ATXN7L1: variants seen among roughly 807,000 people sequenced by gnomAD.
The protein encoded by ATXN7L1 is ataxin 7 like 1, also known as ataxin-7-like protein 1.
A neutral mutation model predicts 70.8 loss-of-function variants in ATXN7L1; 15 were observed. That is an observed-to-expected ratio of 0.21 (90% CI 0.14 to 0.33). The LOEUF (loss-of-function observed/expected upper bound fraction) is 0.33, where lower values mean the gene tolerates loss of function less well. Ranked by LOEUF, ATXN7L1 falls within the 10% of genes least tolerant of loss-of-function variation. ATXN7L1 has a pLI of 1.00. For missense variants in ATXN7L1, 975 were observed against 1,097.1 expected, an observed-to-expected ratio of 0.89 and a Z score of 1.57; for synonymous variants, 440 against 445.1, an observed-to-expected ratio of 0.99 and a Z score of 0.14.
intron 3 of ATXN7L1, among the ~76,000 whole-genome samples, chr7:105,756,047 T>C (rs1799762399): frequency 6.6e-6 from 1 of 152,212 alleles, no homozygotes; most frequent in Non-Finnish European, 1.5e-5. Context: ...GCGTGTATCG[T>C]CAGAGGCTGC....
intron 2 of ATXN7L1, among the ~76,000 whole-genome samples, chr7:105,864,238 C>G (rs996603854): frequency 2.0e-5 from 3 of 151,930 alleles, no homozygotes; most frequent in Non-Finnish European, 2.9e-5. Flanking sequence ...GGAGGATCAC[C>G]TGGGCTCAGG....
intron 3 of ATXN7L1, among the ~76,000 whole-genome samples, chr7:105,733,588 ATCCATCCATCCAT>A (rs1303358898): frequency 3.9e-4 from 53 of 134,282 alleles, no homozygotes; most frequent in African/African-American, 6.1e-4. Context: ...CCACCCATCC[ATCCATCCATCCAT>A]CCACCCATCC....
intron 3 of ATXN7L1, among the ~76,000 whole-genome samples, chr7:105,773,920 T>C (rs1802368015): frequency 6.6e-6 from 1 of 152,176 alleles, no homozygotes; most frequent in Non-Finnish European, 1.5e-5. Context: ...TCAGCCTGCA[T>C]GTGGGGCACC....
chr7:105,670,833 G>A (rs186176092), intron 3 of ATXN7L1, among the ~76,000 whole-genome samples: 11 of 152,114 alleles, frequency 7.2e-5, no homozygotes, highest in East Asian at 1.9e-4. Context: ...GTAGCCGGGC[G>A]CGGTGGCTCA....
chr7:105,760,510 G>T, intron 3 of ATXN7L1: 1 of 985,822 alleles, frequency 1.0e-6, no homozygotes, highest in South Asian at 4.7e-5. Flanking sequence ...TTCTCAACTA[G>T]CCTCACTGTT....
chr7:105,660,454 G>A (rs1212190064), intron 4 of ATXN7L1, among the ~76,000 whole-genome samples: 2 of 106,226 alleles, frequency 1.9e-5, no homozygotes, highest in African/African-American at 8.8e-5. Flanking sequence ...AACTCTCTTA[G>A]ATAGAATTTT....
At chr7:105,670,782 T>C (rs1205867255) in intron 3 of ATXN7L1, among the ~76,000 whole-genome samples, 1 of 151,826 alleles carries the variant, frequency 6.6e-6, no homozygotes, top group Non-Finnish European at 1.5e-5. Flanking sequence ...GCCAACATGG[T>C]GAAACCCCAT....
intron 3 of ATXN7L1, among the ~76,000 whole-genome samples, chr7:105,757,438 T>G (rs1451612162): frequency 6.6e-6 from 1 of 152,094 alleles, no homozygotes; most frequent in Non-Finnish European, 1.5e-5. Context: ...TACAATGCTC[T>G]GGGGTATATG....
chr7:105,617,707 C>A (rs1416365032), intron 9 of ATXN7L1: 2 of 350,422 alleles, frequency 5.7e-6, no homozygotes, highest in South Asian at 2.2e-5. Context: ...CCAGGGAAGT[C>A]CCACACTAAA....
At chr7:105,845,787 A>G (rs1813940992) in intron 2 of ATXN7L1, among the ~76,000 whole-genome samples, 1 of 152,174 alleles carries the variant, frequency 6.6e-6, no homozygotes, top group Admixed American at 6.5e-5. Context: ...TTCCAAGACA[A>G]TTCAATGGAA....
intron 3 of ATXN7L1, among the ~76,000 whole-genome samples, chr7:105,733,665 T>TCCAC (rs1796953718): frequency 1.0e-4 from 1 of 9,618 alleles, no homozygotes; most frequent in Non-Finnish European, 3.3e-4. Context: ...CATCCATCCA[T>TCCAC]CCATCCATCC....
At chr7:105,852,907 G>A (rs1815090513) in intron 2 of ATXN7L1, among the ~76,000 whole-genome samples, 1 of 152,020 alleles carries the variant, frequency 6.6e-6, no homozygotes, top group Non-Finnish European at 1.5e-5. Flanking sequence ...CTACAACATC[G>A]ATTAACCTTG....
chr7:105,690,464 T>G lies in ATXN7L1; in HGVS notation c.356-25176A>C, dbSNP rs551871319. ...CTGTCCGTTCTCATTCATGTGATGC[T>G]GGGGGTGGGGTTGGACCCATCTGTG... On this transcript the variant is annotated intron_variant, in intron 3 of 11. Transcript: ENST00000419735. Among the ~76,000 whole-genome samples the G allele has an allele frequency of 7.8e-4, 119 of 152,286 alleles. No individual in the cohort carries two copies. In the Middle Eastern group the frequency reaches 0.01, roughly 13 times the overall value.
At chr7:105,673,866 A>G (rs1804178226) in intron 3 of ATXN7L1, among the ~76,000 whole-genome samples, 1 of 152,242 alleles carries the variant, frequency 6.6e-6, no homozygotes, top group Admixed American at 6.5e-5. Context: ...TCACCATCGT[A>G]GTTAGATACT....
chr7:105,864,086 A>T (rs1250911367), intron 2 of ATXN7L1, among the ~76,000 whole-genome samples: 2 of 152,114 alleles, frequency 1.3e-5, no homozygotes, highest in Non-Finnish European at 2.9e-5. Context: ...AGGGTTGAGA[A>T]CCACTTCTCT....
intron 2 of ATXN7L1, among the ~76,000 whole-genome samples, chr7:105,816,689 G>A (rs1206947308): frequency 6.6e-6 from 1 of 152,212 alleles, no homozygotes; most frequent in African/African-American, 2.4e-5. Flanking sequence ...TGTGTGTGCT[G>A]TCTCACCTCC....
intron 3 of ATXN7L1, among the ~76,000 whole-genome samples, chr7:105,755,497 A>G (rs570568432): frequency 2.0e-5 from 3 of 152,356 alleles, no homozygotes; most frequent in East Asian, 1.9e-4. Flanking sequence ...TTCCATTACT[A>G]TAAGTGATAA....
At chr7:105,782,673 G>A (rs1224599821) in intron 3 of ATXN7L1, among the ~76,000 whole-genome samples, 2 of 152,230 alleles carry the variant, frequency 1.3e-5, no homozygotes, top group Non-Finnish European at 2.9e-5. Flanking sequence ...ACCTCGGCAG[G>A]GAACGCAGAG....
chr7:105,692,933 G>T (rs1791207123), intron 3 of ATXN7L1, among the ~76,000 whole-genome samples: 1 of 152,014 alleles, frequency 6.6e-6, no homozygotes, highest in Admixed American at 6.6e-5. Flanking sequence ...CACCAGGCTG[G>T]TCTCAAACTC....
Sources: allele counts gnomAD v4.1 joint callset (sites outside exome capture counted in the v4.1 genomes callset), GRCh38; gene constraint gnomAD v4.1.1; transcripts MANE v1.5; gene names NCBI Gene and HGNC (gene_info 2026-07-23, HGNC 2026-07-21).